Variants in NTM observed in about 807,000 individuals in gnomAD.
NTM encodes IgLON family member 2.
A neutral mutation model predicts 42.1 loss-of-function variants in NTM; 13 were observed. That is an observed-to-expected ratio of 0.31 (90% CI 0.20 to 0.49). NTM has a LOEUF of 0.49. Ranked by LOEUF, NTM falls within the 20% of genes least tolerant of loss-of-function variation. NTM has a pLI of 0.99. For missense variants in NTM, 373 were observed against 452.8 expected, an observed-to-expected ratio of 0.82 and a Z score of 1.60; for synonymous variants, 187 against 179.2, an observed-to-expected ratio of 1.04 and a Z score of -0.35.
At chr11:131,807,106 G>C (rs1392204009) in intron 1 of NTM, among the ~76,000 whole-genome samples, 1 of 152,156 alleles carries the variant, frequency 6.6e-6, no homozygotes, top group Non-Finnish European at 1.5e-5. Context: ...CCAGTCCAAG[G>C]AAAAGTACAG....
chr11:131,694,604 G>A (rs2075202293), intron 1 of NTM, among the ~76,000 whole-genome samples: 1 of 152,222 alleles, frequency 6.6e-6, no homozygotes, highest in Non-Finnish European at 1.5e-5. Flanking sequence ...GGCTGAAGCG[G>A]GAAGTGCAGT....
At chr11:131,760,667 T>TG (rs1236779395) in intron 1 of NTM, among the ~76,000 whole-genome samples, 1 of 152,018 alleles carries the variant, frequency 6.6e-6, no homozygotes, top group Non-Finnish European at 1.5e-5. Context: ...CAGTGCTGTG[T>TG]GGGGGCCGGG....
intron 1 of NTM, chr11:131,911,226 A>G: frequency 7.2e-7 from 1 of 1,392,452 alleles, no homozygotes; most frequent in Non-Finnish European, 9.3e-7. Flanking sequence ...CGGCGGAAGC[A>G]GCGAGGAGGG....
chr11:131,802,492 G>A (rs2092203415), intron 1 of NTM, among the ~76,000 whole-genome samples: 1 of 152,212 alleles, frequency 6.6e-6, no homozygotes, highest in African/African-American at 2.4e-5. Context: ...CCATCCCCAT[G>A]AGCAGCACCC....
At chr11:131,675,313 A>T (rs912497859) in intron 1 of NTM, among the ~76,000 whole-genome samples, 1 of 152,320 alleles carries the variant, frequency 6.6e-6, no homozygotes, top group African/African-American at 2.4e-5. Flanking sequence ...TTTTCCCAAC[A>T]CATTTTTAAA....
intron 1 of NTM, among the ~76,000 whole-genome samples, chr11:131,702,973 A>G (rs993725017): frequency 1.3e-4 from 20 of 152,198 alleles, no homozygotes; most frequent in African/African-American, 4.8e-4. Context: ...ACAATCTGAG[A>G]AATCAGTTAG....
intron 2 of NTM, among the ~76,000 whole-genome samples, chr11:132,123,072 G>T (rs188744721): frequency 6.6e-6 from 1 of 152,050 alleles, no homozygotes; most frequent in East Asian, 1.9e-4. Flanking sequence ...GCATCTCCCC[G>T]TCAGCCTTGC....
chr11:132,288,082 G>A (rs559916704), intron 4 of NTM, among the ~76,000 whole-genome samples: 17 of 152,192 alleles, frequency 1.1e-4, no homozygotes, highest in South Asian at 2.1e-4. Flanking sequence ...TGTGTGCAGC[G>A]CACAGAGCCT....
chr11:131,379,623 G>A (rs1942400235), intron 1 of NTM, among the ~76,000 whole-genome samples: 1 of 152,180 alleles, frequency 6.6e-6, no homozygotes, highest in Admixed American at 6.5e-5. Flanking sequence ...TGCAAATAAA[G>A]TGTTTGAATA....
intron 1 of NTM, among the ~76,000 whole-genome samples, chr11:131,416,248 G>A (rs1319364781): frequency 6.7e-6 from 1 of 148,284 alleles, no homozygotes; most frequent in Non-Finnish European, 1.5e-5. Context: ...TCTCAATATT[G>A]TGTTCTTATT....
intron 1 of NTM, among the ~76,000 whole-genome samples, chr11:131,876,248 C>T (rs1404631112): frequency 1.3e-5 from 2 of 152,214 alleles, no homozygotes; most frequent in African/African-American, 4.8e-5. Context: ...CCTGTGTACA[C>T]ACACTTGTGT....
At chr11:131,770,556 C>T (rs2085896719) in intron 1 of NTM, among the ~76,000 whole-genome samples, 1 of 152,184 alleles carries the variant, frequency 6.6e-6, no homozygotes, top group Admixed American at 6.5e-5. Context: ...ACTTCAGAGC[C>T]TTGCCTTCAC....
At chr11:132,155,391 A>G (rs971704624) in intron 3 of NTM, among the ~76,000 whole-genome samples, 3 of 152,196 alleles carry the variant, frequency 2.0e-5, no homozygotes, top group Non-Finnish European at 2.9e-5. Flanking sequence ...CCAGGTGCTT[A>G]CATCCATTTG....
At chr11:131,700,419 C>G (rs1010286224) in intron 1 of NTM, among the ~76,000 whole-genome samples, 1 of 152,134 alleles carries the variant, frequency 6.6e-6, no homozygotes, top group Non-Finnish European at 1.5e-5. Flanking sequence ...TTTTAGCTAC[C>G]TATAAGTTCA....
At chr11:131,869,710 C>T (rs955621218) in intron 1 of NTM, among the ~76,000 whole-genome samples, 1 of 148,416 alleles carries the variant, frequency 6.7e-6, no homozygotes, top group Non-Finnish European at 1.5e-5. Flanking sequence ...GATCTCAGGC[C>T]CAGGTGCCAC....
chr11:131,703,697 G>A (rs2076295204), intron 1 of NTM, among the ~76,000 whole-genome samples: 2 of 152,170 alleles, frequency 1.3e-5, no homozygotes, highest in Admixed American at 1.3e-4. Flanking sequence ...AAGAAAAGCT[G>A]CATTGAAGAG....
At chr11:132,127,702 TAC>T (rs1300698842) in intron 2 of NTM, among the ~76,000 whole-genome samples, 1 of 152,228 alleles carries the variant, frequency 6.6e-6, no homozygotes, top group Non-Finnish European at 1.5e-5. Flanking sequence ...TCCGGCGGAT[TAC>T]AGTGTCTGCC....
chr11:131,410,155 C>A (rs978838909), intron 1 of NTM, among the ~76,000 whole-genome samples: 3 of 152,004 alleles, frequency 2.0e-5, no homozygotes, highest in African/African-American at 7.2e-5. Context: ...GGATGCAGAT[C>A]TATAAATGTG....
At chr11:132,315,471 T>A (rs1351565639) in intron 7 of NTM, among the ~76,000 whole-genome samples, 1 of 152,196 alleles carries the variant, frequency 6.6e-6, no homozygotes, top group Non-Finnish European at 1.5e-5. Context: ...ATTCCGGTTG[T>A]GTTTTGGGCA....
Sources: allele counts gnomAD v4.1 joint callset (sites outside exome capture counted in the v4.1 genomes callset), GRCh38; gene constraint gnomAD v4.1.1; transcripts MANE v1.5; gene names NCBI Gene and HGNC (gene_info 2026-07-23, HGNC 2026-07-21).